Variants in SCRIB observed in about 807,000 individuals in gnomAD.
SCRIB encodes the protein scribble planar cell polarity protein, also known as protein scribble homolog.
SCRIB carries 72 observed loss-of-function variants against 170.0 expected under a neutral mutation model. That is an observed-to-expected ratio of 0.42 (90% CI 0.35 to 0.52). The LOEUF (loss-of-function observed/expected upper bound fraction) is 0.52, where lower values mean the gene tolerates loss of function less well. Among genes scored for constraint, SCRIB ranks in the 20% least tolerant of loss-of-function variants. The pLI is 0.02. For synonymous variants in SCRIB, 1,298 were observed against 1,044.3 expected (o/e 1.24, Z -4.68); for missense variants, 2,475 against 2,338.5 (o/e 1.06, Z -1.20).
Position 143,793,085 on chromosome 8 carries a change from TG to T in SCRIB, c.3910-3del. ...ATCCGGAGAAGGCGGGGAGGGCGGCTGGGGGGTGGGGCTCTTGTGAGCTATG... is the reference window on the plus strand; with the variant it reads ...ATCCGGAGAAGGCGGGGAGGGCGGCTGGGGGTGGGGCTCTTGTGAGCTATG... On this transcript the variant is annotated splice_region_variant and splice_polypyrimidine_tract_variant and intron_variant, in intron 28 of 36. Coordinates refer to ENST00000356994, the MANE Select transcript of SCRIB (RefSeq NM_182706.5). 17 of 1,339,288 alleles carry T rather than the reference TG, an allele frequency of 1.3e-5. No homozygotes were observed. Among genetic ancestry groups the T allele is most frequent in the Admixed American group, 5.6e-5 (2 of 35,774 alleles). The allele number at this position is 1,339,288 out of a possible 1,614,324, so 83.0% of individuals were successfully genotyped here.
At chr8:143,814,501 T>G (rs118013748) in intron 1 of SCRIB, among the ~76,000 whole-genome samples, 2,669 of 152,138 alleles carry the variant, frequency 0.018, 24 homozygotes, top group Non-Finnish European at 0.031. Context: ...CCTGGCCTGG[T>G]TCTGCAGCAA....
rs782812733 is a variant in SCRIB, at chr8:143,806,500, G to C, written c.2269-16C>G. ...TGAATATGCCCTAGGGCACAGACAC[G>C]AGCTTGGCAGGGGCCAGGGAGACGG... On this transcript the variant is annotated splice_polypyrimidine_tract_variant and intron_variant, in intron 17 of 36. Transcript: ENST00000356994. 7 of 1,577,170 alleles carry C rather than the reference G, an allele frequency of 4.4e-6. No homozygotes were observed. Among genetic ancestry groups the C allele is most frequent in the Non-Finnish European group, 6.0e-6 (7 of 1,159,930 alleles).
At chr8:143,803,327 A>C in intron 24 of SCRIB, 56 bp downstream of exon 24, 1 of 1,462,058 alleles carries the variant, frequency 6.8e-7, no homozygotes, top group Non-Finnish European at 9.1e-7. Context: ...TCAGCGGCTC[A>C]CAACACCTTG....
chr8:143,807,343 T>C (rs1441129098), intron 16 of SCRIB, among the ~76,000 whole-genome samples: 2 of 152,170 alleles, frequency 1.3e-5, no homozygotes, highest in Non-Finnish European at 2.9e-5. Flanking sequence ...AGGCGGCTGA[T>C]GGGAGCTGGA....
At position 143,812,475 on chromosome 8, in the gene SCRIB, A is replaced by G. The variant is rs1815783992; in HGVS notation, c.788-91T>C. The G allele has an allele frequency of 4.2e-6, 4 of 951,200 alleles. No individual in the cohort carries two copies. In the East Asian group the frequency reaches 9.7e-5, roughly 23 times the overall value. 58.9% of individuals were successfully genotyped at this position (951,200 alleles called of 1,614,324 possible). On this transcript the variant is annotated intron_variant, in intron 8 of 36. Coordinates refer to ENST00000356994, the MANE Select transcript of SCRIB (RefSeq NM_182706.5). Reference sequence around the variant, plus strand: ...CAGAAGCGCCCTCAAGGCAGACAGCAAGGCCCCCAGCCCCTTCTGCCGCCG... The same window carrying G: ...CAGAAGCGCCCTCAAGGCAGACAGCGAGGCCCCCAGCCCCTTCTGCCGCCG...
At position 143,808,614 on chromosome 8, in the gene SCRIB, C is replaced by T. The variant is rs1744025710; in HGVS notation, c.2110G>A (p.Val704Ile). Reference protein sequence around the residue: ...KEGAVVSAPSVKGVSFDQANN... With the variant: ...KEGAVVSAPSIKGVSFDQANN... The stretch of plus-strand genomic sequence containing the variant: ...GGGGTGAGGCTGACACCAACCTTGA[C>T]AGAGGGCGCAGAAACCACGGCCCCC... Residue 704 changes from valine to isoleucine, a missense_variant, in exon 15 of 37, where the codon GTC becomes ATC. Physicochemically the swap from Val to Ile is conservative, Grantham distance 29. Around this residue, in one of 3 missense-constraint regions of SCRIB, gnomAD observed 1,966 missense variants for 1,742.9 expected, o/e 1.13. Transcript: ENST00000356994. 2 of 1,509,704 alleles carry T rather than the reference C, an allele frequency of 1.3e-6. No individual in the cohort carries two copies. Among genetic ancestry groups the T allele is most frequent in the African/African-American group, 1.4e-5 (1 of 71,480 alleles). The allele number at this position is 1,509,704 out of a possible 1,614,324, so 93.5% of individuals were successfully genotyped here.
At chr8:143,813,582 C>A in intron 4 of SCRIB, 55 bp downstream of exon 4, 4 of 1,612,154 alleles carry the variant, frequency 2.5e-6, no homozygotes, top group Non-Finnish European at 3.4e-6. Context: ...GCAGCAGGGG[C>A]AGGGCCAATC....
At chr8:143,812,581 C>T (rs1815792075) in intron 8 of SCRIB, among the ~76,000 whole-genome samples, 197 bp from the exon 9 acceptor site, 1 of 152,136 alleles carries the variant, frequency 6.6e-6, no homozygotes, top group Non-Finnish European at 1.5e-5. Context: ...GCCCCAGTGG[C>T]ACTGCCACCC....
At chr8:143,810,011 C>T (rs983058322) in intron 13 of SCRIB, among the ~76,000 whole-genome samples, 3 of 152,098 alleles carry the variant, frequency 2.0e-5, no homozygotes, top group African/African-American at 7.2e-5. Flanking sequence ...GTGATATGAA[C>T]CTCCTCCCCT....
At chr8:143,794,887 G>T in intron 27 of SCRIB, 151 bp downstream of exon 27, 1 of 669,652 alleles carries the variant, frequency 1.5e-6, no homozygotes, top group Non-Finnish European at 2.6e-6. Flanking sequence ...CATGTGCCAG[G>T]CTGGGGTAGC....
At chr8:143,791,796 G>A in intron 34 of SCRIB, 56 bp from the exon 35 acceptor site, 1 of 1,470,716 alleles carries the variant, frequency 6.8e-7, no homozygotes, top group South Asian at 1.2e-5. Context: ...GGGGGGATGA[G>A]GGCCACGGGG....
chr8:143,792,431 G>C, intron 31 of SCRIB, 26 bp from the exon 32 acceptor site: 1 of 1,506,720 alleles, frequency 6.6e-7, no homozygotes, highest in South Asian at 1.3e-5. Context: ...GACGTGCTGT[G>C]GGGGGCAGGG....
Position 143,790,939 on chromosome 8 carries a change from C to T in SCRIB, c.*224G>A, listed in dbSNP as rs1014513865. The T allele has an allele frequency of 2.3e-6, 1 of 435,212 alleles. No homozygotes were observed. Among genetic ancestry groups the T allele is most frequent in the Admixed American group, 4.3e-5 (1 of 23,240 alleles). The allele number at this position is 435,212 out of a possible 1,614,324, so 27.0% of individuals were successfully genotyped here. A position where few individuals can be genotyped will look rare whatever the true frequency, so the allele number is the denominator to read the frequency against. The stretch of plus-strand genomic sequence containing the variant: ...CAGACGGGAGGTAAAATGTAGTCAA[C>T]TTTATTCTCCTTAAACCACAAAATA... On this transcript the variant is annotated 3_prime_UTR_variant, in exon 37 of 37. Coordinates refer to ENST00000356994, the MANE Select transcript of SCRIB (RefSeq NM_182706.5).
Position 143,805,112 on chromosome 8 carries a change from C to G in SCRIB, c.2670G>C (p.Ala890=). The G allele has an allele frequency of 6.3e-7, 1 of 1,598,430 alleles. No individual in the cohort carries two copies. The highest frequency in any genetic ancestry group is 8.5e-7 in the Non-Finnish European group (1 of 1,172,492). ...CCCCGGCCCTGGGCCCCAGCCTCAC[C>G]GCATCACCAGCCCTGTAGGGTGTGG... ...KGSTPYRAGD[A]GIFVSRIAEG... The change falls in exon 19 of 37, where the codon GCG becomes GCC. Residue 890 remains alanine, a splice_region_variant and synonymous_variant. Transcript: ENST00000356994.
In SCRIB at chr8:143,804,750, C is replaced by A. The variant is rs149912810; in HGVS notation, c.2827G>T (p.Ala943Ser). ...SLLTAASPTI[A>S]LLLEREAGGP... ...CCAGCCTCCCGCTCCAACAGCAGGG[C>A]GATGGTGGGGGAGGCAGCGGTCAGC... The change falls in exon 21 of 37, where the codon GCC (alanine) becomes TCC (serine). Residue 943 changes from alanine (A) to serine (S), a missense_variant. Coordinates refer to ENST00000356994, the MANE Select transcript of SCRIB (RefSeq NM_182706.5). The A allele has an allele frequency of 2.6e-5, 41 of 1,603,000 alleles. No individual in the cohort carries two copies. The highest frequency in any genetic ancestry group is 3.0e-5 in the Non-Finnish European group (35 of 1,175,890).
intron 24 of SCRIB, among the ~76,000 whole-genome samples, chr8:143,796,355 C>T (rs1554634098): frequency 6.6e-6 from 1 of 152,194 alleles, no homozygotes; most frequent in African/African-American, 2.4e-5. Context: ...GACGGGGTCC[C>T]TGCAAAATCG....
intron 35 of SCRIB, 28 bp downstream of exon 35, chr8:143,791,638 G>A (rs782810844): frequency 1.9e-6 from 3 of 1,583,634 alleles, no homozygotes; most frequent in Non-Finnish European, 2.6e-6. Flanking sequence ...CAGGGTGGCA[G>A]GCATGCAGAG....
At chr8:143,793,233 C>G in intron 28 of SCRIB, 150 bp from the exon 29 acceptor site, 1 of 530,914 alleles carries the variant, frequency 1.9e-6, no homozygotes, top group Non-Finnish European at 3.3e-6. Context: ...TCTGCCACCC[C>G]CACCCACGGG....
rs760777519 is a variant in SCRIB at position 143,810,703 on chromosome 8, C to T, written c.1387G>A (p.Ala463Thr). 3.7e-6 allele frequency: 6 copies of T among 1,603,904 alleles called. No individual in the cohort carries two copies. Among genetic ancestry groups the T allele is most frequent in the Non-Finnish European group, 5.1e-6 (6 of 1,173,118 alleles). ...CCTCATACCCGCTTCTCAGCTGCAG[C>T]TTCCTCAGCGTCCTCATCACCTATG... is the stretch of plus-strand genomic sequence containing the variant. ...APIGDEDAEE[A>T]AAEKRGLQRR... The change falls in exon 12 of 37, where the codon GCT (alanine) becomes ACT (threonine). Residue 463 changes from alanine (A) to threonine (T), a missense_variant. This residue lies in a region of SCRIB where 1,966 missense variants were observed against 1,742.9 expected (regional missense o/e 1.13). Transcript: ENST00000356994.
Sources: allele counts gnomAD v4.1 joint callset (sites outside exome capture counted in the v4.1 genomes callset), GRCh38; gene constraint gnomAD v4.1.1; regional missense constraint gnomAD v4.1.1; transcripts MANE v1.5; gene names NCBI Gene and HGNC (gene_info 2026-07-23, HGNC 2026-07-21).